The following EXOC4 variants were observed in gnomAD, a reference collection of about 807,000 sequenced individuals.
EXOC4 encodes the protein SEC8-like 1.
EXOC4 carries 71 observed loss-of-function variants against 107.2 expected under a neutral mutation model. The ratio of observed to expected loss-of-function variants is 0.66; its 90% confidence interval spans 0.55 to 0.81. EXOC4 has a LOEUF of 0.81. EXOC4 is among the 30% of genes least tolerant of loss of function. The probability of loss-of-function intolerance (pLI) is 0.00; values close to 1 mark genes in which losing one functional copy is unlikely to be tolerated. For synonymous variants in EXOC4, 456 were observed against 441.2 expected, an observed-to-expected ratio of 1.03 and a Z score of -0.42; for missense variants, 1,108 against 1,189.6, an observed-to-expected ratio of 0.93 and a Z score of 1.01.
intron 5 of EXOC4, among the ~76,000 whole-genome samples, chr7:133,352,406 A>G (rs138291016): frequency 1.3e-3 from 205 of 152,112 alleles, no homozygotes; most frequent in Non-Finnish European, 1.9e-3. Flanking sequence ...CTTTATTAAT[A>G]TATAATGTCC....
intron 13 of EXOC4, among the ~76,000 whole-genome samples, chr7:133,931,569 A>G (rs892670870): frequency 6.6e-6 from 1 of 152,228 alleles, no homozygotes; most frequent in Non-Finnish European, 1.5e-5. Flanking sequence ...GAAAAACTGT[A>G]ACTTAAACTA....
At chr7:133,553,648 A>G (rs536918791) in intron 9 of EXOC4, among the ~76,000 whole-genome samples, 24 of 152,160 alleles carry the variant, frequency 1.6e-4, no homozygotes, top group African/African-American at 5.8e-4. Context: ...TTTGTCCCTT[A>G]ATTTTTTTTC....
chr7:133,973,949 G>T (rs1173701481), intron 14 of EXOC4, among the ~76,000 whole-genome samples: 1 of 152,138 alleles, frequency 6.6e-6, no homozygotes, highest in Non-Finnish European at 1.5e-5. Context: ...AGATGAAAAG[G>T]CAAGAGAAAA....
rs1563014411 is a variant in EXOC4, at chr7:133,823,824, ACATATATATATATATATAT to A, written c.1734+6281_1734+6299del. 1.0e-3 allele frequency among the ~76,000 whole-genome samples: 58 copies of A among 55,430 alleles called. 2 individuals are homozygous for A. The highest frequency in any genetic ancestry group is 4.5e-3 in the African/African-American group (57 of 12,770). 36.4% of individuals were successfully genotyped at this position (55,430 alleles called of 152,430 possible). A position where few individuals can be genotyped will look rare whatever the true frequency, so the allele number is the denominator to read the frequency against. ...AAGCAAGACTGTCTCAAAAATACAT[ACATATATATATATATATAT>A]TATATATATATATATATATATATAT... On this transcript the variant is annotated intron_variant, in intron 11 of 17. Coordinates refer to ENST00000253861, the MANE Select transcript of EXOC4 (RefSeq NM_021807.4).
chr7:133,531,757 A>G (rs1316488100), intron 9 of EXOC4, among the ~76,000 whole-genome samples: 1 of 152,138 alleles, frequency 6.6e-6, no homozygotes, highest in African/African-American at 2.4e-5. Context: ...ACTTTTAATA[A>G]TGTGATAGCT....
chr7:133,591,155 C>T (rs1457319313), intron 9 of EXOC4, among the ~76,000 whole-genome samples: 2 of 152,110 alleles, frequency 1.3e-5, no homozygotes, highest in East Asian at 1.9e-4. Flanking sequence ...CAGCATCTCC[C>T]GAGTTGCTGA....
chr7:133,646,828 T>C (rs1803004506), intron 10 of EXOC4, among the ~76,000 whole-genome samples: 1 of 152,154 alleles, frequency 6.6e-6, no homozygotes, highest in South Asian at 2.1e-4. Context: ...AGGAAACCCC[T>C]CTATAATTTA....
intron 9 of EXOC4, among the ~76,000 whole-genome samples, chr7:133,530,288 C>T (rs1800157648): frequency 6.6e-6 from 1 of 152,140 alleles, no homozygotes. Flanking sequence ...AATCATGCAT[C>T]ACTTAATGAT....
At chr7:133,329,447 C>T (rs1421972519) in intron 5 of EXOC4, among the ~76,000 whole-genome samples, 2 of 152,048 alleles carry the variant, frequency 1.3e-5, no homozygotes, top group African/African-American at 4.8e-5. Context: ...ACTCATTCTC[C>T]ATCCAGTTTT....
At chr7:133,998,715 TAAGA>T (rs1415493651) in intron 15 of EXOC4, among the ~76,000 whole-genome samples, 10 of 152,154 alleles carry the variant, frequency 6.6e-5, no homozygotes, top group Non-Finnish European at 1.5e-4. Context: ...GGAAGAGTTT[TAAGA>T]AAGGGAGAGA....
intron 10 of EXOC4, among the ~76,000 whole-genome samples, chr7:133,787,813 C>G (rs1316315159): frequency 6.6e-6 from 1 of 150,960 alleles, no homozygotes; most frequent in East Asian, 2.0e-4. Context: ...TCCGTATACT[C>G]TCACACTGGG....
intron 11 of EXOC4, among the ~76,000 whole-genome samples, chr7:133,873,074 C>A (rs56375275): frequency 0.11 from 17,414 of 152,176 alleles, 1,099 homozygotes; most frequent in Middle Eastern, 0.15. Context: ...TTTTGGAGGG[C>A]CCAGGTATGA....
At chr7:133,772,623 C>T (rs550651631) in intron 10 of EXOC4, among the ~76,000 whole-genome samples, 1 of 151,906 alleles carries the variant, frequency 6.6e-6, no homozygotes. Context: ...ATAACATGAC[C>T]ATAAAGTATA....
At chr7:133,768,562 C>T (rs1295708947) in intron 10 of EXOC4, 1 of 151,882 alleles carries the variant, frequency 6.6e-6, no homozygotes, top group African/African-American at 2.4e-5. Flanking sequence ...GTTAATGAAC[C>T]TTAATTGGCA....
chr7:133,695,872 G>C (rs1027228815), intron 10 of EXOC4, among the ~76,000 whole-genome samples: 1 of 152,080 alleles, frequency 6.6e-6, no homozygotes, highest in Non-Finnish European at 1.5e-5. Context: ...AAAGCCAAGG[G>C]GACCATCCAA....
intron 14 of EXOC4, among the ~76,000 whole-genome samples, chr7:133,974,912 G>C (rs911888636): frequency 6.6e-6 from 1 of 152,192 alleles, no homozygotes; most frequent in Non-Finnish European, 1.5e-5. Context: ...TTTGCAAGTA[G>C]TAATCAACAT....
At chr7:133,779,504 G>A (rs897503036) in intron 10 of EXOC4, among the ~76,000 whole-genome samples, 1 of 152,216 alleles carries the variant, frequency 6.6e-6, no homozygotes, top group Non-Finnish European at 1.5e-5. Flanking sequence ...CAATTATTGA[G>A]TTCTTGATAT....
chr7:133,853,952 T>TA (rs1288222184), intron 11 of EXOC4, among the ~76,000 whole-genome samples: 1 of 152,146 alleles, frequency 6.6e-6, no homozygotes, highest in African/African-American at 2.4e-5. Flanking sequence ...CAGCAGTTTA[T>TA]AGTCCCTAGG....
At chr7:133,774,921 A>T (rs1471685704) in intron 10 of EXOC4, among the ~76,000 whole-genome samples, 1 of 149,862 alleles carries the variant, frequency 6.7e-6, no homozygotes, top group African/African-American at 2.5e-5. Context: ...CCACTTTATT[A>T]GTTGAATAAA....
Sources: allele counts gnomAD v4.1 joint callset (sites outside exome capture counted in the v4.1 genomes callset), GRCh38; gene constraint gnomAD v4.1.1; transcripts MANE v1.5; gene names NCBI Gene and HGNC (gene_info 2026-07-23, HGNC 2026-07-21).